The following IKZF4 variants were observed in gnomAD, a reference collection of about 807,000 sequenced individuals.
IKZF4 encodes the protein IKAROS family zinc finger 4.
A neutral mutation model predicts 47.7 loss-of-function variants in IKZF4; 11 were observed. That is an observed-to-expected ratio of 0.23 (90% CI 0.15 to 0.38). The LOEUF (loss-of-function observed/expected upper bound fraction) is 0.38, where lower values mean the gene tolerates loss of function less well. Among genes scored for constraint, IKZF4 ranks in the 10% least tolerant of loss-of-function variants. The pLI, the probability that IKZF4 is intolerant of heterozygous loss-of-function variation, is 1.00. For missense variants in IKZF4, 557 were observed against 784.9 expected (o/e 0.71, Z 3.47); for synonymous variants, 298 against 299.4 (o/e 1.00, Z 0.05).
chr12:56,024,572 A>G (rs956875404), intron 2 of IKZF4: 11 of 890,066 alleles, frequency 1.2e-5, no homozygotes, highest in Non-Finnish European at 1.5e-5. Flanking sequence ...CCTGGCACAT[A>G]GTAAGTACTC....
chr12:56,020,547 A>G (rs575970271), upstream of IKZF4, among the ~76,000 whole-genome samples: 1 of 152,194 alleles, frequency 6.6e-6, no homozygotes, highest in Non-Finnish European at 1.5e-5. Context: ...AATTCTTGGA[A>G]TCAGAAAATG....
upstream of IKZF4, among the ~76,000 whole-genome samples, chr12:56,018,630 G>T (rs1892447313): frequency 6.6e-6 from 1 of 151,606 alleles, no homozygotes; most frequent in Admixed American, 6.6e-5. Context: ...GAATGGTGGG[G>T]GCTGTCATGA....
At chr12:56,026,031 G>A (rs1893923655) in intron 3 of IKZF4, among the ~76,000 whole-genome samples, 1 of 152,110 alleles carries the variant, frequency 6.6e-6, no homozygotes, top group Non-Finnish European at 1.5e-5. Flanking sequence ...CGCCTCCCAA[G>A]TTCAAGCGAT....
At position 56,033,267 on chromosome 12, in the gene IKZF4, C is replaced by T. The variant is rs1267250290; in HGVS notation, c.943C>T (p.Arg315Cys). 4 of 1,613,900 alleles carry T rather than the reference C, an allele frequency of 2.5e-6. No homozygotes were observed. Among genetic ancestry groups the T allele is most frequent in the Non-Finnish European group, 3.4e-6 (4 of 1,179,900 alleles). Residue 315 changes from arginine to cysteine, a missense_variant, in exon 7 of 8, where the codon CGT (arginine) becomes TGT (cysteine). Coordinates refer to ENST00000547167, the MANE Select transcript of IKZF4 (RefSeq NM_022465.4). ...SSSERPTFID[R>C]LANSLTKRKR... ...CTCTGAGCGGCCAACTTTCATCGAT[C>T]GTCTGGCCAATAGCCTCACCAAACG...
chr12:56,030,173 T>C (rs932320995), intron 5 of IKZF4, among the ~76,000 whole-genome samples: 6 of 151,706 alleles, frequency 4.0e-5, no homozygotes, highest in Non-Finnish European at 7.4e-5. Flanking sequence ...CCCAGCAGTT[T>C]GGGAAGCCAA....
At chr12:56,031,183 A>G (rs1159866796) in intron 5 of IKZF4, among the ~76,000 whole-genome samples, 2 of 152,098 alleles carry the variant, frequency 1.3e-5, no homozygotes, top group Admixed American at 6.5e-5. Flanking sequence ...CCCAGGAGGT[A>G]GAGGTTGCAG....
chr12:56,012,439 T>C (rs1214463649), intron 2 of IKZF4, among the ~76,000 whole-genome samples: 1 of 152,082 alleles, frequency 6.6e-6, no homozygotes, highest in African/African-American at 2.4e-5. Context: ...CACCCCTGGC[T>C]AATTTTGTAT....
chr12:56,038,146 T>C lies in IKZF4; in HGVS notation c.*2815T>C, dbSNP rs1895776251. 1 of 151,864 alleles carries C rather than the reference T, an allele frequency of 6.6e-6. No homozygotes were observed. Among genetic ancestry groups the C allele is most frequent in the African/African-American group, 2.4e-5 (1 of 41,248 alleles). The allele number at this position is 151,864 out of a possible 1,614,324, so 9.4% of individuals were successfully genotyped here. A position where few individuals can be genotyped will look rare whatever the true frequency, so the allele number is the denominator to read the frequency against. On this transcript the variant is annotated 3_prime_UTR_variant, in exon 8 of 8. Coordinates refer to ENST00000547167, the MANE Select transcript of IKZF4 (RefSeq NM_022465.4). ...ACACAGAAGCAAGTGCAATACCACC[T>C]CTCTTCTCCCTCTCTCCTAGGGTTT...
At chr12:56,034,329 G>A (rs1895392132) in intron 7 of IKZF4, among the ~76,000 whole-genome samples, 1 of 152,204 alleles carries the variant, frequency 6.6e-6, no homozygotes, top group South Asian at 2.1e-4. Context: ...TAAGGACCTG[G>A]AGCTTTATGG....
At chr12:56,014,390 A>C (rs1416737086) in intron 2 of IKZF4, among the ~76,000 whole-genome samples, 1 of 152,100 alleles carries the variant, frequency 6.6e-6, no homozygotes, top group Non-Finnish European at 1.5e-5. Context: ...CAAGAATGAG[A>C]TACACTTCCT....
Position 56,021,563 on chromosome 12 carries a change from C to G in IKZF4, c.70C>G (p.Arg24Gly). The change falls in exon 1 of 8, where the codon CGG (arginine) becomes GGG (glycine). Residue 24 changes from arginine (R) to glycine (G), a missense_variant. This residue lies in a region of IKZF4 where 44 missense variants were observed against 39.7 expected (regional missense o/e 1.11). Transcript: ENST00000547167. ...CCGCGTTCGCACCCCAGGGTCTCAC[C>G]GGCAAGGGAAGGATAATGTAAGTTC... Reference protein sequence around the residue: ...GGRVRTPGSHRQGKDNLERDP... With the variant: ...GGRVRTPGSHGQGKDNLERDP... 6.2e-7 allele frequency: 1 copy of G among 1,606,658 alleles called. No homozygotes were observed. Among genetic ancestry groups the G allele is most frequent in the Non-Finnish European group, 8.5e-7 (1 of 1,177,128 alleles).
In IKZF4 at chr12:56,034,586, G is replaced by T; in HGVS notation, c.1013G>T (p.Arg338Leu). The change falls in exon 8 of 8, where the codon CGC becomes CTC. Residue 338 changes from arginine (R) to leucine (L), a missense_variant. Arg to Leu is a moderately radical substitution (Grantham distance 102). This residue lies in a region of IKZF4 where 280 missense variants were observed against 314.0 expected (regional missense o/e 0.89). Transcript: ENST00000547167. The part of the protein sequence containing the change: ...PQKFVGEKQM[R>L]FSLSDLPYDV... ...TTCTCCACAGGCGAAAAGCAGATGC[G>T]CTTCAGCCTCTCAGACCTCCCCTAT... is the stretch of plus-strand genomic sequence containing the variant. 1 of 1,609,300 alleles carries T rather than the reference G, an allele frequency of 6.2e-7. No homozygotes were observed. The highest frequency in any genetic ancestry group is 8.5e-7 in the Non-Finnish European group (1 of 1,176,852).
chr12:56,033,655 G>T (rs189881223), intron 7 of IKZF4, among the ~76,000 whole-genome samples: 4 of 151,928 alleles, frequency 2.6e-5, no homozygotes, highest in Non-Finnish European at 5.9e-5. Context: ...TGCAGTGAGC[G>T]GAGATCGCGC....
chr12:56,015,010 C>G (rs961447888), intron 2 of IKZF4, among the ~76,000 whole-genome samples: 21 of 152,120 alleles, frequency 1.4e-4, no homozygotes, highest in Admixed American at 1.3e-3. Context: ...ACAGGAAAAT[C>G]CTGCTCACTC....
At chr12:56,019,738 G>A (rs747851930), upstream of IKZF4, among the ~76,000 whole-genome samples, 1 of 152,180 alleles carries the variant, frequency 6.6e-6, no homozygotes, top group Non-Finnish European at 1.5e-5. Flanking sequence ...TACAAATCCT[G>A]TGGAGCTCTT....
At chr12:56,010,520 T>C (rs1016436978) in intron 1 of IKZF4, 10 of 152,076 alleles carry the variant, frequency 6.6e-5, no homozygotes, top group African/African-American at 1.9e-4. Context: ...GGATTATTTA[T>C]CCTCCCATCC....
rs1281655549 is a variant in IKZF4 at position 56,024,548 on chromosome 12, T to C, written c.182-506T>C. ...ATTAAATGAAATTATTCATTTCAAGTGCACAGAATAAAGCCTGGCACATAG... is the reference window on the plus strand; with the variant it reads ...ATTAAATGAAATTATTCATTTCAAGCGCACAGAATAAAGCCTGGCACATAG... On this transcript the variant is annotated intron_variant, in intron 2 of 7. Coordinates refer to ENST00000547167, the MANE Select transcript of IKZF4 (RefSeq NM_022465.4). The C allele has an allele frequency of 4.2e-6, 3 of 712,826 alleles. No homozygotes were observed. The African/African-American group carries it at 5.8e-5, about 14-fold the overall frequency. 44.2% of individuals were successfully genotyped at this position (712,826 alleles called of 1,614,324 possible).
intron 1 of IKZF4, among the ~76,000 whole-genome samples, chr12:56,007,898 AG>A (rs1275156425): frequency 2.0e-5 from 3 of 150,448 alleles, no homozygotes; most frequent in Non-Finnish European, 3.0e-5. Flanking sequence ...GAGGGTTGGA[AG>A]ATGGCCGGGG....
In IKZF4 at chr12:56,026,785, C is replaced by T. The variant is rs1894096325; in HGVS notation, c.291C>T (p.Asn97=). The T allele has an allele frequency of 1.9e-6, 3 of 1,564,582 alleles. No individual in the cohort carries two copies. Among genetic ancestry groups the T allele is most frequent in the Non-Finnish European group, 2.6e-6 (3 of 1,152,292 alleles). ...HSSPSRSLSA[N]SIKVEMYSDE... The stretch of plus-strand genomic sequence containing the variant: ...AAACACCATCCCACCCCTCAGCCAA[C>T]TCCATCAAGGTGGAGATGTACAGCG... The change falls in exon 4 of 8, where the codon AAC becomes AAT. Residue 97 remains asparagine (N), a synonymous_variant. Coordinates refer to ENST00000547167, the MANE Select transcript of IKZF4 (RefSeq NM_022465.4).
Sources: gnomAD v4.1 joint callset for allele counts (sites outside exome capture counted in the v4.1 genomes callset) on GRCh38, gnomAD v4.1.1 for gene constraint, gnomAD v4.1.1 regional missense constraint, MANE v1.5 for transcripts, NCBI Gene and HGNC (gene_info 2026-07-23, HGNC 2026-07-21) for gene names.